Variants in ST3GAL3 observed in about 807,000 individuals in gnomAD.
The protein encoded by ST3GAL3 is CMP-N-acetylneuraminate-beta-1,4-galactoside alpha-2,3-sialyltransferase.
In ST3GAL3, 21 loss-of-function variants were observed where a neutral mutation model predicts 50.1. That is an observed-to-expected ratio of 0.42 (90% confidence interval 0.30 to 0.60). The LOEUF (loss-of-function observed/expected upper bound fraction) is 0.60. Among genes scored for constraint, ST3GAL3 ranks in the 20% least tolerant of loss-of-function variants. The pLI, the probability that ST3GAL3 is intolerant of heterozygous loss-of-function variation, is 0.19. For missense variants in ST3GAL3, 353 were observed against 489.4 expected, an observed-to-expected ratio of 0.72 and a Z score of 2.63; for synonymous variants, 183 against 190.0, an observed-to-expected ratio of 0.96 and a Z score of 0.30.
intron 1 of ST3GAL3, among the ~76,000 whole-genome samples, chr1:43,732,437 C>G (rs1311684980): frequency 6.6e-6 from 1 of 152,214 alleles, no homozygotes; most frequent in Non-Finnish European, 1.5e-5. Context: ...CTCCAGCCAG[C>G]TCTTGCTGGG....
intron 5 of ST3GAL3, among the ~76,000 whole-genome samples, chr1:43,856,976 T>A (rs955602271): frequency 1.3e-5 from 2 of 152,092 alleles, no homozygotes; most frequent in Non-Finnish European, 2.9e-5. Context: ...CTCAGATGAT[T>A]AGGGACCCAC....
intron 5 of ST3GAL3, among the ~76,000 whole-genome samples, chr1:43,892,955 A>G (rs138972747): frequency 5.3e-5 from 8 of 152,296 alleles, no homozygotes; most frequent in African/African-American, 1.9e-4. Flanking sequence ...GGCACAAGAA[A>G]TATGCATTAC....
At chr1:43,857,578 T>TCCTCCCTC (rs759847727) in intron 5 of ST3GAL3, among the ~76,000 whole-genome samples, 1 of 91,150 alleles carries the variant, frequency 1.1e-5, no homozygotes, top group African/African-American at 4.4e-5. Context: ...TTTCTTTCCT[T>TCCTCCCTC]CCTCCCTCCC....
intron 5 of ST3GAL3, among the ~76,000 whole-genome samples, chr1:43,892,997 T>C (rs1310742516): frequency 6.6e-6 from 1 of 152,198 alleles, no homozygotes; most frequent in African/African-American, 2.4e-5. Flanking sequence ...GGGAGTGCAC[T>C]GACTCAGTTG....
At chr1:43,820,758 A>G (rs557069493) in intron 4 of ST3GAL3, among the ~76,000 whole-genome samples, 109 of 152,298 alleles carry the variant, frequency 7.2e-4, no homozygotes, top group African/African-American at 2.4e-3. Flanking sequence ...TCTTTTTACT[A>G]CAAGATCTGT....
At chr1:43,734,257 TTA>T (rs1389760974) in intron 1 of ST3GAL3, among the ~76,000 whole-genome samples, 4 of 151,784 alleles carry the variant, frequency 2.6e-5, no homozygotes, top group Non-Finnish European at 4.4e-5. Context: ...TTTTTTCACT[TTA>T]TGTTTTCTTT....
At chr1:43,881,017 T>A (rs1335547879) in intron 5 of ST3GAL3, among the ~76,000 whole-genome samples, 1 of 152,120 alleles carries the variant, frequency 6.6e-6, no homozygotes, top group Non-Finnish European at 1.5e-5. Flanking sequence ...AGTTCTTTTT[T>A]TTTTTTCCTT....
At chr1:43,813,866 C>G (rs948947371) in intron 3 of ST3GAL3, among the ~76,000 whole-genome samples, 1 of 15,160 alleles carries the variant, frequency 6.6e-5, no homozygotes, top group East Asian at 3.5e-3. Flanking sequence ...GCTAGACACA[C>G]ACACACACAC....
intron 9 of ST3GAL3, chr1:43,919,067 T>G (rs1407946224): frequency 8.2e-6 from 1 of 121,926 alleles, no homozygotes; most frequent in Non-Finnish European, 1.7e-5. Context: ...CTTTCTTTGT[T>G]TCTTTTTTTT....
At position 43,812,008 on chromosome 1, in the gene ST3GAL3, T is replaced by C. The variant is rs112174413; in HGVS notation, c.167-2883T>C. On this transcript the variant is annotated intron_variant, in intron 3 of 11. Transcript: ENST00000347631. ...CTGTGGTGTCTGAAATGTATCACCT[T>C]ATAGACCCGGCTAAAATTTTCTTTC... Among the ~76,000 whole-genome samples, 63 of 152,326 alleles carry C rather than the reference T, an allele frequency of 4.1e-4. 4 individuals are homozygous for C. The highest frequency in any genetic ancestry group is 1.3e-3 in the African/African-American group (55 of 41,562).
chr1:43,859,353 C>T (rs1365786629), intron 5 of ST3GAL3, among the ~76,000 whole-genome samples: 6 of 151,978 alleles, frequency 3.9e-5, no homozygotes, highest in African/African-American at 1.2e-4. Flanking sequence ...GGGCTGGGCA[C>T]GGTGGCGACC....
intron 3 of ST3GAL3, among the ~76,000 whole-genome samples, chr1:43,814,336 C>G (rs1182592981): frequency 6.6e-6 from 1 of 152,200 alleles, no homozygotes; most frequent in African/African-American, 2.4e-5. Context: ...AAATAAATTA[C>G]AATACTGATT....
chr1:43,806,243 A>T (rs78782921), intron 3 of ST3GAL3, among the ~76,000 whole-genome samples: 336 of 152,306 alleles, frequency 2.2e-3, no homozygotes, highest in Non-Finnish European at 3.9e-3. Flanking sequence ...TGTGAAATTG[A>T]GCTTTAGTGA....
intron 2 of ST3GAL3, among the ~76,000 whole-genome samples, chr1:43,747,569 T>G (rs1684305205): frequency 6.8e-6 from 1 of 146,224 alleles, no homozygotes; most frequent in African/African-American, 2.6e-5. Context: ...GGATTTTTTT[T>G]TTTTTTTTTT....
At position 43,709,720 on chromosome 1, in the gene ST3GAL3, G is replaced by A. The variant is rs540954125; in HGVS notation, c.-31+2027G>A. On this transcript the variant is annotated intron_variant, in intron 1 of 11. Coordinates refer to ENST00000347631, the MANE Select transcript of ST3GAL3 (RefSeq NM_006279.5). ...AAATTAGCCAGGCGTGGTGGCAGGC[G>A]CCTGTAATCCCAGCTGCTCGGGAGG... 2.0e-3 allele frequency among the ~76,000 whole-genome samples: 298 copies of A among 152,068 alleles called. 1 individual carries two copies. Among genetic ancestry groups the A allele is most frequent in the African/African-American group, 7.0e-3 (291 of 41,470 alleles).
intron 1 of ST3GAL3, among the ~76,000 whole-genome samples, chr1:43,725,448 C>G (rs1372846651): frequency 6.6e-6 from 1 of 152,110 alleles, no homozygotes; most frequent in African/African-American, 2.4e-5. Flanking sequence ...ATCCACCCAC[C>G]TCGGCGTCTC....
At chr1:43,746,962 C>T (rs1459616653) in intron 2 of ST3GAL3, among the ~76,000 whole-genome samples, 1 of 147,222 alleles carries the variant, frequency 6.8e-6, no homozygotes, top group Non-Finnish European at 1.5e-5. Context: ...GACGGGGTTT[C>T]ACCATATTGG....
chr1:43,763,085 G>A (rs573270405), intron 2 of ST3GAL3, among the ~76,000 whole-genome samples: 5 of 152,264 alleles, frequency 3.3e-5, no homozygotes, highest in Admixed American at 2.0e-4. Flanking sequence ...GTTACCCATC[G>A]CAGCACTTTG....
At chr1:43,885,937 G>A (rs938483957) in intron 5 of ST3GAL3, among the ~76,000 whole-genome samples, 1 of 152,218 alleles carries the variant, frequency 6.6e-6, no homozygotes, top group Non-Finnish European at 1.5e-5. Context: ...GGGAGAAATA[G>A]GGAGAGACTT....
Sources: gnomAD v4.1 joint callset for allele counts (sites outside exome capture counted in the v4.1 genomes callset) on GRCh38, gnomAD v4.1.1 for gene constraint, MANE v1.5 for transcripts, NCBI Gene and HGNC (gene_info 2026-07-23, HGNC 2026-07-21) for gene names.